Variants in CD2 observed in about 807,000 individuals in gnomAD.
CD2 encodes CD2 molecule.
A neutral mutation model predicts 23.2 loss-of-function variants in CD2; 18 were observed. That is an observed-to-expected ratio of 0.77 (90% CI 0.54 to 1.15). The LOEUF (loss-of-function observed/expected upper bound fraction) is 1.15. CD2 is among the 50% of genes most tolerant of loss of function. The pLI is 0.00. For synonymous variants in CD2, 162 were observed against 151.9 expected, an observed-to-expected ratio of 1.07 and a Z score of -0.49; for missense variants, 424 against 423.1, an observed-to-expected ratio of 1.00 and a Z score of -0.02.
rs1652307970 is a variant in CD2, at chr1:116,768,864, G to A, written c.*81G>A. 4.4e-6 allele frequency: 6 copies of A among 1,353,418 alleles called. No individual in the cohort carries two copies. In the South Asian group the frequency reaches 8.3e-5, roughly 19 times the overall value. The allele number at this position is 1,353,418 out of a possible 1,614,324, so 83.8% of individuals were successfully genotyped here. A position where few individuals can be genotyped will look rare whatever the true frequency, so the allele number is the denominator to read the frequency against. On this transcript the variant is annotated 3_prime_UTR_variant, in exon 5 of 5. Coordinates refer to ENST00000369478, the MANE Select transcript of CD2 (RefSeq NM_001767.5). Reference sequence around the variant, plus strand: ...ATGTGCATATCCGTACTTCCATGAGGTGTTTTCTGTGTGCAGAACATTGTC... The same window carrying A: ...ATGTGCATATCCGTACTTCCATGAGATGTTTTCTGTGTGCAGAACATTGTC...
At chr1:116,756,614 C>A (rs781029550) in intron 2 of CD2, among the ~76,000 whole-genome samples, 3 of 151,988 alleles carry the variant, frequency 2.0e-5, no homozygotes, top group Admixed American at 1.3e-4. Context: ...ATTCATCTAC[C>A]ATTCAATTTG....
At chr1:116,761,270 G>T (rs1652044274) in intron 3 of CD2, among the ~76,000 whole-genome samples, 1 of 152,324 alleles carries the variant, frequency 6.6e-6, no homozygotes, top group Non-Finnish European at 1.5e-5. Flanking sequence ...CTGAGAGGCA[G>T]CCTTCTATAG....
chr1:116,754,794 A>G lies in CD2; in HGVS notation c.225A>G (p.Lys75=), dbSNP rs752991154. ...KKKIAQFRKE[K]ETFKEKDTYK... ...AGATTGCACAATTCAGAAAAGAGAA[A>G]GAGACTTTCAAGGAAAAAGATACAT... Residue 75 remains lysine (K), a synonymous_variant, in exon 2 of 5, where the codon AAA becomes AAG. Coordinates refer to ENST00000369478, the MANE Select transcript of CD2 (RefSeq NM_001767.5). 71 of 1,613,232 alleles carry G rather than the reference A, an allele frequency of 4.4e-5. No individual in the cohort carries two copies. In the East Asian group the frequency reaches 1.5e-3, roughly 34 times the overall value.
intron 2 of CD2, among the ~76,000 whole-genome samples, chr1:116,759,746 G>T (rs557213677): frequency 5.9e-5 from 9 of 152,294 alleles, no homozygotes; most frequent in Admixed American, 5.2e-4. Context: ...GCAGCTCTGG[G>T]CTGGGAAAAG....
chr1:116,762,217 C>T (rs1014610533), intron 3 of CD2, among the ~76,000 whole-genome samples: 1 of 152,128 alleles, frequency 6.6e-6, no homozygotes, highest in Non-Finnish European at 1.5e-5. Context: ...CATACTTATG[C>T]AAGAAATTTT....
intron 3 of CD2, 101 bp from the exon 4 acceptor site, chr1:116,764,383 G>T (rs953097910): frequency 1.3e-6 from 2 of 1,514,386 alleles, no homozygotes; most frequent in Non-Finnish European, 1.8e-6. Context: ...GTCCCAACAA[G>T]CTCTTCTATC....
At position 116,754,759 on chromosome 1, in the gene CD2, G is replaced by A. The variant is rs748882704; in HGVS notation, c.190G>A (p.Asp64Asn). 6.2e-7 allele frequency: 1 copy of A among 1,613,552 alleles called. No homozygotes were observed. The highest frequency in any genetic ancestry group is 8.5e-7 in the Non-Finnish European group (1 of 1,179,794). Residue 64 changes from aspartate (D) to asparagine (N), a missense_variant, in exon 2 of 5, where the codon GAC becomes AAC. Coordinates refer to ENST00000369478, the MANE Select transcript of CD2 (RefSeq NM_001767.5). ...CGATATAAAATGGGAAAAAACTTCA[G>A]ACAAGAAAAAGATTGCACAATTCAG... ...IDDIKWEKTS[D>N]KKKIAQFRKE...
intron 2 of CD2, among the ~76,000 whole-genome samples, chr1:116,757,095 C>G (rs577248005): frequency 6.6e-6 from 1 of 151,530 alleles, no homozygotes; most frequent in African/African-American, 2.4e-5. Flanking sequence ...CTCCCAGGTT[C>G]AAGCGATTCT....
chr1:116,768,838 G>C lies in CD2; in HGVS notation c.*55G>C. 2 of 1,507,878 alleles carry C rather than the reference G, an allele frequency of 1.3e-6. No homozygotes were observed. The highest frequency in any genetic ancestry group is 1.8e-6 in the Non-Finnish European group (2 of 1,106,816). The allele number at this position is 1,507,878 out of a possible 1,614,324, so 93.4% of individuals were successfully genotyped here. On this transcript the variant is annotated 3_prime_UTR_variant, in exon 5 of 5. Transcript: ENST00000369478. ...AAGCACTGTGGATTTCTGCCCTCCT[G>C]ATGTGCATATCCGTACTTCCATGAG... is the stretch of plus-strand genomic sequence containing the variant.
At chr1:116,762,549 G>A (rs1321732210) in intron 3 of CD2, among the ~76,000 whole-genome samples, 1 of 152,190 alleles carries the variant, frequency 6.6e-6, no homozygotes, top group Non-Finnish European at 1.5e-5. Flanking sequence ...ATTCTGAAAG[G>A]CCAAGGCAGA....
intron 2 of CD2, among the ~76,000 whole-genome samples, chr1:116,757,457 C>T (rs1475287072): frequency 6.6e-6 from 1 of 152,028 alleles, no homozygotes; most frequent in Non-Finnish European, 1.5e-5. Context: ...CCATGGAAGG[C>T]CTTAGGTTGG....
At position 116,754,500 on chromosome 1, in the gene CD2, T is replaced by C; in HGVS notation, c.8T>C (p.Phe3Ser). Residue 3 changes from phenylalanine to serine, a missense_variant, in exon 1 of 5, where the codon TTT becomes TCT. Physicochemically the swap from Phe to Ser is radical, Grantham distance 155. Transcript: ENST00000369478. ...AGGAAACCAACCCCTAAGATGAGCT[T>C]TCCATGTAAATTTGTAGCCAGCTTC... MS[F>S]PCKFVASFLL... The C allele has an allele frequency of 6.2e-7, 1 of 1,614,022 alleles. No homozygotes were observed. Among genetic ancestry groups the C allele is most frequent in the Non-Finnish European group, 8.5e-7 (1 of 1,179,980 alleles).
chr1:116,768,875 G>A lies in CD2; in HGVS notation c.*92G>A. On this transcript the variant is annotated 3_prime_UTR_variant, in exon 5 of 5. Transcript: ENST00000369478. ...CGTACTTCCATGAGGTGTTTTCTGT[G>A]TGCAGAACATTGTCACCTCCTGAGG... The A allele has an allele frequency of 7.8e-7, 1 of 1,283,296 alleles. No homozygotes were observed. Among genetic ancestry groups the A allele is most frequent in the Non-Finnish European group, 1.1e-6 (1 of 926,286 alleles). 79.5% of individuals were successfully genotyped at this position (1,283,296 alleles called of 1,614,324 possible).
intron 2 of CD2, among the ~76,000 whole-genome samples, chr1:116,758,943 T>A (rs1206597880): frequency 6.6e-6 from 1 of 152,188 alleles, no homozygotes; most frequent in African/African-American, 2.4e-5. Flanking sequence ...GCAAGGATGA[T>A]GACCTTTTCT....
At chr1:116,763,488 C>T (rs1009593457) in intron 3 of CD2, among the ~76,000 whole-genome samples, 3 of 152,226 alleles carry the variant, frequency 2.0e-5, no homozygotes, top group Non-Finnish European at 4.4e-5. Context: ...GCAGACAGCC[C>T]TAGAACCCCT....
Position 116,764,539 on chromosome 1 carries a change from G to A in CD2, c.669G>A (p.Leu223=). 2 of 1,614,080 alleles carry A rather than the reference G, an allele frequency of 1.2e-6. No individual in the cohort carries two copies. The highest frequency in any genetic ancestry group is 1.7e-6 in the Non-Finnish European group (2 of 1,179,998). The change falls in exon 4 of 5, where the codon TTG becomes TTA. Residue 223 remains leucine (L), a synonymous_variant. Coordinates refer to ENST00000369478, the MANE Select transcript of CD2 (RefSeq NM_001767.5). The part of the protein sequence containing the change: ...IIGICGGGSL[L]MVFVALLVFY... ...GCATATGTGGAGGAGGCAGCCTCTTGATGGTCTTTGTGGCACTGCTCGTTT... is the reference window on the plus strand; with the variant it reads ...GCATATGTGGAGGAGGCAGCCTCTTAATGGTCTTTGTGGCACTGCTCGTTT...
chr1:116,762,066 A>C (rs1166524725), intron 3 of CD2, among the ~76,000 whole-genome samples: 1 of 151,694 alleles, frequency 6.6e-6, no homozygotes, highest in African/African-American at 2.4e-5. Flanking sequence ...CTGTGCTCAA[A>C]CTATCCTCCC....
Position 116,768,524 on chromosome 1 carries a change from A to G in CD2, c.797A>G (p.His266Arg). ...VATEERGRKP[H>R]QIPASTPQNP... ...ACTGAAGAAAGGGGCCGGAAGCCCC[A>G]CCAAATTCCAGCTTCAACCCCTCAG... The change falls in exon 5 of 5, where the codon CAC (histidine) becomes CGC (arginine). Residue 266 changes from histidine (H) to arginine (R), a missense_variant. Physicochemically the swap from His to Arg is conservative, Grantham distance 29. Transcript: ENST00000369478. The G allele has an allele frequency of 6.2e-7, 1 of 1,614,160 alleles. No individual in the cohort carries two copies. The highest frequency in any genetic ancestry group is 8.5e-7 in the Non-Finnish European group (1 of 1,180,022).
intron 2 of CD2, among the ~76,000 whole-genome samples, chr1:116,758,139 T>C (rs866133235): frequency 8.6e-5 from 13 of 152,008 alleles, no homozygotes; most frequent in African/African-American, 3.1e-4. Flanking sequence ...GAAAATATTA[T>C]TCATTATTGA....
Sources: allele counts gnomAD v4.1 joint callset (sites outside exome capture counted in the v4.1 genomes callset), GRCh38; gene constraint gnomAD v4.1.1; transcripts MANE v1.5; gene names NCBI Gene and HGNC (gene_info 2026-07-23, HGNC 2026-07-21).